ANKHD1: variants seen among roughly 807,000 people sequenced by gnomAD.
ANKHD1 encodes the protein ankyrin repeat and KH domain containing 1, also known as ankyrin repeat and KH domain-containing protein 1.
ANKHD1 carries 31 observed loss-of-function variants against 230.5 expected under a neutral mutation model. That is an observed-to-expected ratio of 0.13 (90% CI 0.10 to 0.18). ANKHD1 has a LOEUF of 0.18. Among genes scored for constraint, ANKHD1 ranks in the 10% least tolerant of loss-of-function variants. The pLI is 1.00. For synonymous variants in ANKHD1, 1,074 were observed against 1,117.6 expected (o/e 0.96, Z 0.78); for missense variants, 2,256 against 3,071.3 (o/e 0.73, Z 6.27).
intron 29 of ANKHD1, chr5:140,532,886 C>G (rs758565668): frequency 2.8e-6 from 1 of 354,974 alleles, no homozygotes; most frequent in Non-Finnish European, 5.6e-6. Context: ...CACTTGAAGT[C>G]AGGAGTTCAA....
rs181071086 is a variant in ANKHD1, at chr5:140,476,649, A to G, written c.1783-5931A>G. On this transcript the variant is annotated intron_variant, in intron 10 of 33. Coordinates refer to ENST00000360839, the MANE Select transcript of ANKHD1 (RefSeq NM_017747.3). ...ACATATTTTCAAATCTACAAAGAATAAACGAATTACCATCATTAGACCCTT... is the reference window on the plus strand; with the variant it reads ...ACATATTTTCAAATCTACAAAGAATGAACGAATTACCATCATTAGACCCTT... Among the ~76,000 whole-genome samples, 16 of 152,254 alleles carry G rather than the reference A, an allele frequency of 1.1e-4. No homozygotes were observed. The East Asian group carries it at 2.1e-3, about 20-fold the overall frequency.
chr5:140,443,812 C>CT (rs1218053015), intron 5 of ANKHD1, among the ~76,000 whole-genome samples: 1 of 151,994 alleles, frequency 6.6e-6, no homozygotes, highest in African/African-American at 2.4e-5. Context: ...TCAAATAACT[C>CT]TAACTTTAAG....
chr5:140,455,305 T>C (rs568984550), intron 7 of ANKHD1, among the ~76,000 whole-genome samples: 44 of 152,284 alleles, frequency 2.9e-4, no homozygotes, highest in African/African-American at 9.1e-4. Flanking sequence ...GTTGGTACCA[T>C]CCCTTTTGAA....
At chr5:140,455,750 C>G (rs1366801416) in intron 7 of ANKHD1, among the ~76,000 whole-genome samples, 2 of 152,162 alleles carry the variant, frequency 1.3e-5, no homozygotes, top group Non-Finnish European at 2.9e-5. Context: ...AACCCCACAG[C>G]CAATATCATA....
chr5:140,443,775 T>G (rs1774056976), intron 5 of ANKHD1, among the ~76,000 whole-genome samples: 1 of 152,034 alleles, frequency 6.6e-6, no homozygotes, highest in South Asian at 2.1e-4. Context: ...GATCATCAAA[T>G]TCAGTGGTTT....
At position 140,538,101 on chromosome 5, in the gene ANKHD1, G is replaced by C. The variant is rs748439529; in HGVS notation, c.7244G>C (p.Trp2415Ser). The C allele has an allele frequency of 6.2e-7, 1 of 1,611,178 alleles. No homozygotes were observed. Among genetic ancestry groups the C allele is most frequent in the South Asian group, 1.1e-5 (1 of 90,222 alleles). Reference protein sequence around the residue: ...VNAVSEGLSGWSQSVMGNHPM... With the variant: ...VNAVSEGLSGSSQSVMGNHPM... ...TTCTTTCCAGAAGGCTTATCAGGTT[G>C]GTCGCAATCTGTGATGGGGAACCAT... Residue 2415 changes from tryptophan (W) to serine (S), a missense_variant, in exon 32 of 34, where the codon TGG (tryptophan) becomes TCG (serine). By Grantham distance (177) the Trp-to-Ser change is radical (BLOSUM62 -3). Around this residue, in one of 13 missense-constraint regions of ANKHD1, gnomAD observed 778 missense variants for 966.5 expected, o/e 0.80. Coordinates refer to ENST00000360839, the MANE Select transcript of ANKHD1 (RefSeq NM_017747.3).
chr5:140,522,497 A>G (rs1753396818), intron 24 of ANKHD1, among the ~76,000 whole-genome samples: 2 of 152,212 alleles, frequency 1.3e-5, no homozygotes, highest in South Asian at 4.1e-4. Context: ...TCAAAATTTT[A>G]GCATCTCTCA....
At chr5:140,461,787 C>T (rs1013469851) in intron 9 of ANKHD1, among the ~76,000 whole-genome samples, 8 of 152,028 alleles carry the variant, frequency 5.3e-5, no homozygotes, top group Non-Finnish European at 1.2e-4. Flanking sequence ...AAAATAACCA[C>T]AATACAATTT....
chr5:140,529,187 G>T lies in ANKHD1; in HGVS notation c.6241G>T (p.Ala2081Ser), dbSNP rs1205861587. The T allele has an allele frequency of 6.2e-7, 1 of 1,614,158 alleles. No homozygotes were observed. The highest frequency in any genetic ancestry group is 1.1e-5 in the South Asian group (1 of 91,084). ...TACTTCCAGTAACACACAAGAGGAG[G>T]CACAGCCATCCAGTGTGTCTGATTT... ...TPTSSNTQEE[A>S]QPSSVSDLSP... is the part of the protein sequence containing the mutation. Residue 2081 changes from alanine to serine, a missense_variant, in exon 29 of 34, where the codon GCA becomes TCA. Around this residue, in one of 13 missense-constraint regions of ANKHD1, gnomAD observed 778 missense variants for 966.5 expected, o/e 0.80. Coordinates refer to ENST00000360839, the MANE Select transcript of ANKHD1 (RefSeq NM_017747.3).
At chr5:140,436,072 T>C in intron 1 of ANKHD1, 32 bp from the exon 2 acceptor site, 3 of 1,490,210 alleles carry the variant, frequency 2.0e-6, no homozygotes, top group Non-Finnish European at 2.7e-6. Context: ...GATATCAGTT[T>C]CATGGATATT....
At chr5:140,422,590 G>A (rs1465689731) in intron 1 of ANKHD1, among the ~76,000 whole-genome samples, 4 of 151,178 alleles carry the variant, frequency 2.6e-5, no homozygotes, top group Admixed American at 1.3e-4. Flanking sequence ...TGGGCGGATC[G>A]TGAGGTCAGG....
intron 1 of ANKHD1, among the ~76,000 whole-genome samples, chr5:140,415,735 G>C (rs2126858603): frequency 6.6e-6 from 1 of 151,670 alleles, no homozygotes; most frequent in East Asian, 2.0e-4. Context: ...ACCGCACCCA[G>C]CCGCCTTTGA....
intron 1 of ANKHD1, among the ~76,000 whole-genome samples, chr5:140,435,692 T>C (rs1277653153): frequency 6.6e-6 from 1 of 151,950 alleles, no homozygotes; most frequent in Non-Finnish European, 1.5e-5. Context: ...GCTTTTCTTT[T>C]TTCAGTATTA....
At chr5:140,464,637 A>C in intron 9 of ANKHD1, 30 bp from the exon 10 acceptor site, 2 of 1,503,454 alleles carry the variant, frequency 1.3e-6, no homozygotes, top group African/African-American at 2.8e-5. Context: ...TACAGTTCAC[A>C]AAGTAAATGT....
chr5:140,465,811 G>T (rs1014990920), intron 10 of ANKHD1, among the ~76,000 whole-genome samples: 2 of 152,004 alleles, frequency 1.3e-5, no homozygotes. Flanking sequence ...ATTTTTGGGA[G>T]GTATGCTTTT....
rs1410616157 is a variant in ANKHD1, at chr5:140,445,829, A to G, written c.1001A>G (p.His334Arg). 2 of 1,613,912 alleles carry G rather than the reference A, an allele frequency of 1.2e-6. No homozygotes were observed. The highest frequency in any genetic ancestry group is 1.7e-6 in the Non-Finnish European group (2 of 1,179,888). The change falls in exon 6 of 34, where the codon CAT becomes CGT. Residue 334 changes from histidine to arginine, a missense_variant. Transcript: ENST00000360839. ...LLNEGANIED[H>R]NENGHTPLME... The stretch of plus-strand genomic sequence containing the variant: ...AATGAAGGTGCAAATATAGAAGATC[A>G]TAATGAAAATGGACATACTCCCTTA...
Position 140,507,552 on chromosome 5 carries a change from C to T in ANKHD1, c.3552-233C>T, listed in dbSNP as rs1752592866. ...AAACTCCCGACCTCAGGTGATCTGC[C>T]CTCCTTGGCCTCCCAAAGTGCTGGG... On this transcript the variant is annotated intron_variant, in intron 19 of 33. Coordinates refer to ENST00000360839, the MANE Select transcript of ANKHD1 (RefSeq NM_017747.3). This position sits in a 1 kb window ranked among gnomAD's most constrained non-coding sequence, Gnocchi z 4.1. 6.6e-6 allele frequency among the ~76,000 whole-genome samples: 1 copy of T among 152,108 alleles called. No individual in the cohort carries two copies. Among genetic ancestry groups the T allele is most frequent in the South Asian group, 2.1e-4 (1 of 4,828 alleles).
chr5:140,428,082 G>A (rs1440081642), intron 1 of ANKHD1, among the ~76,000 whole-genome samples: 1 of 151,978 alleles, frequency 6.6e-6, no homozygotes, highest in Non-Finnish European at 1.5e-5. Flanking sequence ...TGGGATGGCG[G>A]CCGGGAAGAG....
At chr5:140,482,154 TC>T (rs1351458338) in intron 10 of ANKHD1, among the ~76,000 whole-genome samples, 1 of 152,160 alleles carries the variant, frequency 6.6e-6, no homozygotes, top group Non-Finnish European at 1.5e-5. Flanking sequence ...GTGTTTTTCT[TC>T]AGGGAATCAT....
Sources: allele counts gnomAD v4.1 joint callset (sites outside exome capture counted in the v4.1 genomes callset), GRCh38; gene constraint gnomAD v4.1.1; regional missense constraint gnomAD v4.1.1; non-coding constraint Gnocchi (gnomAD v3.1); transcripts MANE v1.5; gene names NCBI Gene and HGNC (gene_info 2026-07-23, HGNC 2026-07-21).